Variants in FOXP1 observed in about 807,000 individuals in gnomAD.
FOXP1 encodes the protein forkhead box P1.
Under a neutral mutation model 98.2 loss-of-function variants are expected in FOXP1, and 15 were observed. That is an observed-to-expected ratio of 0.15 (90% CI 0.10 to 0.24). FOXP1 has a LOEUF of 0.24. FOXP1 is among the 10% of genes least tolerant of loss of function. FOXP1 has a pLI of 1.00. For synonymous variants in FOXP1, 371 were observed against 314.5 expected, an observed-to-expected ratio of 1.18 and a Z score of -1.90; for missense variants, 633 against 848.5, an observed-to-expected ratio of 0.75 and a Z score of 3.15.
At chr3:71,130,781 C>A in intron 6 of FOXP1, 1 of 1,439,026 alleles carries the variant, frequency 6.9e-7, no homozygotes, top group Non-Finnish European at 9.1e-7. Flanking sequence ...TCAAGTAATT[C>A]TTCACTTTCA....
intron 6 of FOXP1, among the ~76,000 whole-genome samples, chr3:71,172,834 G>C (rs1316460719): frequency 6.6e-6 from 1 of 152,166 alleles, no homozygotes; most frequent in Non-Finnish European, 1.5e-5. Context: ...TGATTTGTGA[G>C]GTACCACCTT....
At position 71,396,953 on chromosome 3, in the gene FOXP1, T is replaced by TATATATATAC. The variant is rs1560424173; in HGVS notation, c.-167-37710_-167-37709insGTATATATAT. 1.1e-4 allele frequency among the ~76,000 whole-genome samples: 6 copies of TATATATATAC among 53,038 alleles called. 1 individual carries two copies. The highest frequency in any genetic ancestry group is 2.2e-4 in the Non-Finnish European group (5 of 22,826). The allele number at this position is 53,038 out of a possible 152,430, so 34.8% of individuals were successfully genotyped here. A position where few individuals can be genotyped will look rare whatever the true frequency, so the allele number is the denominator to read the frequency against. On this transcript the variant is annotated intron_variant, in intron 3 of 20. Transcript: ENST00000649528. ...ATATATACACATATATATATGTGTATATATATATATGTGTGTATATATATA... is the reference window on the plus strand; with the variant it reads ...ATATATACACATATATATATGTGTATATATATATACATATATATATGTGTGTATATATATA...
At chr3:71,265,940 A>G (rs139215480) in intron 5 of FOXP1, among the ~76,000 whole-genome samples, 7 of 152,332 alleles carry the variant, frequency 4.6e-5, no homozygotes, top group Non-Finnish European at 1.0e-4. Flanking sequence ...GCAAACCTCC[A>G]AAGTGCAAGA....
In FOXP1 at chr3:70,958,214, AG is replaced by A; in HGVS notation, c.*1032del. ...GTTGCTGCAAAAAAAAAAAAAGAAA[AG>A]AAAAGAAAAAAAGAAAATCCGAAAC... On this transcript the variant is annotated 3_prime_UTR_variant, in exon 21 of 21. Transcript: ENST00000649528. 3 of 471,750 alleles carry A rather than the reference AG, an allele frequency of 6.4e-6. No homozygotes were observed. The highest frequency in any genetic ancestry group is 2.0e-5 in the African/African-American group (1 of 50,196). The allele number at this position is 471,750 out of a possible 1,614,324, so 29.2% of individuals were successfully genotyped here.
At position 70,959,127 on chromosome 3, in the gene FOXP1, G is replaced by T; in HGVS notation, c.*120C>A. 8.7e-7 allele frequency: 1 copy of T among 1,150,602 alleles called. No individual in the cohort carries two copies. The highest frequency in any genetic ancestry group is 1.3e-6 in the Non-Finnish European group (1 of 777,156). The allele number at this position is 1,150,602 out of a possible 1,614,324, so 71.3% of individuals were successfully genotyped here. ...TAACACATTTCAGAGTTGTCAAAACGTAGTGAAAATCCTCCAGACTGTACA... is the reference window on the plus strand; with the variant it reads ...TAACACATTTCAGAGTTGTCAAAACTTAGTGAAAATCCTCCAGACTGTACA... On this transcript the variant is annotated 3_prime_UTR_variant, in exon 21 of 21. Transcript: ENST00000649528.
rs139605647 is a variant in FOXP1 at position 71,268,874 on chromosome 3, C to T, written c.-12+30946G>A. Among the ~76,000 whole-genome samples the T allele has an allele frequency of 3.3e-3, 498 of 152,306 alleles. 3 individuals carry two copies. Among genetic ancestry groups the T allele is most frequent in the Non-Finnish European group, 5.6e-3 (379 of 68,022 alleles). ...ATTAAGAGAGAGCTTCCTGTGCCCACTGAGCCAGCCTGGAATCAAATTCCA... is the reference window on the plus strand; with the variant it reads ...ATTAAGAGAGAGCTTCCTGTGCCCATTGAGCCAGCCTGGAATCAAATTCCA... On this transcript the variant is annotated intron_variant, in intron 5 of 20. Coordinates refer to ENST00000649528, the MANE Select transcript of FOXP1 (RefSeq NM_001349338.3).
At chr3:71,419,741 G>A (rs1282885326) in intron 3 of FOXP1, among the ~76,000 whole-genome samples, 2 of 152,158 alleles carry the variant, frequency 1.3e-5, no homozygotes, top group African/African-American at 2.4e-5. Flanking sequence ...AAATGGATGA[G>A]CATATACACA....
intron 3 of FOXP1, among the ~76,000 whole-genome samples, chr3:71,467,356 T>C (rs2088877122): frequency 1.3e-5 from 2 of 152,082 alleles, no homozygotes; most frequent in African/African-American, 2.4e-5. Flanking sequence ...TGTTGGATGA[T>C]TGGATGGGTA....
intron 5 of FOXP1, among the ~76,000 whole-genome samples, chr3:71,294,262 T>C (rs2073054595): frequency 1.3e-5 from 2 of 152,258 alleles, no homozygotes; most frequent in Admixed American, 6.5e-5. Context: ...TTGTATTGTA[T>C]GTGAATTATA....
chr3:71,035,193 G>T (rs1359466245), intron 11 of FOXP1, among the ~76,000 whole-genome samples: 1 of 152,124 alleles, frequency 6.6e-6, no homozygotes, highest in South Asian at 2.1e-4. Flanking sequence ...CAGCCTCTGA[G>T]TAGCAAGACT....
chr3:71,463,556 T>C (rs2088380090), intron 3 of FOXP1, among the ~76,000 whole-genome samples: 1 of 152,072 alleles, frequency 6.6e-6, no homozygotes, highest in Non-Finnish European at 1.5e-5. Flanking sequence ...GATGCTGAGA[T>C]TCTCTGGGCT....
At chr3:71,110,023 T>C (rs1342061120) in intron 7 of FOXP1, among the ~76,000 whole-genome samples, 2 of 152,148 alleles carry the variant, frequency 1.3e-5, no homozygotes, top group Non-Finnish European at 2.9e-5. Flanking sequence ...CTACTTTTTA[T>C]ACAGACTGAA....
At chr3:71,017,392 GAAA>G (rs2044659652) in intron 11 of FOXP1, among the ~76,000 whole-genome samples, 4 of 151,350 alleles carry the variant, frequency 2.6e-5, no homozygotes, top group Non-Finnish European at 5.9e-5. Context: ...AAAAAGAAAA[GAAA>G]AATATTCCAA....
In FOXP1 at chr3:71,458,289, A is replaced by G. The variant is rs537296715; in HGVS notation, c.-168+35137T>C. The stretch of plus-strand genomic sequence containing the variant: ...TTGTTTAATGCAATGCAAATCTCAA[A>G]AAAGAGTTTAACCATGAAAGCAGCA... On this transcript the variant is annotated intron_variant, in intron 3 of 20. Coordinates refer to ENST00000649528, the MANE Select transcript of FOXP1 (RefSeq NM_001349338.3). 1.4e-3 allele frequency among the ~76,000 whole-genome samples: 215 copies of G among 152,202 alleles called. 1 individual carries two copies. Among genetic ancestry groups the G allele is most frequent in the Non-Finnish European group, 2.0e-3 (139 of 68,040 alleles).
At position 71,054,687 on chromosome 3, in the gene FOXP1, C is replaced by T. The variant is rs563114820; in HGVS notation, c.283-914G>A. Reference sequence around the variant, plus strand: ...GTTTAATTTGCAGACTACATGAGACCCATTTTGTCAGTCCCCGTAATGCAA... The same window carrying T: ...GTTTAATTTGCAGACTACATGAGACTCATTTTGTCAGTCCCCGTAATGCAA... On this transcript the variant is annotated intron_variant, in intron 7 of 20. Transcript: ENST00000649528. Among the ~76,000 whole-genome samples the T allele has an allele frequency of 3.3e-5, 5 of 152,144 alleles. No homozygotes were observed. In the East Asian group the frequency reaches 9.7e-4, roughly 29 times the overall value.
chr3:71,170,531 T>G (rs182727120), intron 6 of FOXP1, among the ~76,000 whole-genome samples: 123 of 152,326 alleles, frequency 8.1e-4, no homozygotes, highest in Non-Finnish European at 1.1e-3. Flanking sequence ...AAATACCCAC[T>G]GGTATCATAA....
intron 2 of FOXP1, among the ~76,000 whole-genome samples, chr3:71,509,613 C>A (rs2042054941): frequency 6.6e-6 from 1 of 152,116 alleles, no homozygotes; most frequent in Non-Finnish European, 1.5e-5. Context: ...ACAAGCTAGG[C>A]CCCAAATTAA....
At chr3:71,510,212 T>C (rs1368932835) in intron 2 of FOXP1, among the ~76,000 whole-genome samples, 1 of 150,006 alleles carries the variant, frequency 6.7e-6, no homozygotes, top group Non-Finnish European at 1.5e-5. Flanking sequence ...AGTCAGGCCA[T>C]GTGCGGTAGC....
intron 3 of FOXP1, among the ~76,000 whole-genome samples, chr3:71,367,147 C>T (rs928292168): frequency 2.0e-5 from 3 of 152,156 alleles, no homozygotes; most frequent in African/African-American, 7.2e-5. Context: ...TGGTAAGCTC[C>T]TGATTGACAA....
Sources: allele counts gnomAD v4.1 joint callset (sites outside exome capture counted in the v4.1 genomes callset), GRCh38; gene constraint gnomAD v4.1.1; transcripts MANE v1.5; gene names NCBI Gene and HGNC (gene_info 2026-07-23, HGNC 2026-07-21).